Variants in BCAR1 observed in about 807,000 individuals in gnomAD.
BCAR1 encodes the protein BCAR1 scaffold protein, Cas family member.
BCAR1 carries 30 observed loss-of-function variants against 67.6 expected under a neutral mutation model. The ratio of observed to expected loss-of-function variants is 0.44; its 90% CI spans 0.33 to 0.60. BCAR1 has a LOEUF of 0.60. BCAR1 is among the 20% of genes least tolerant of loss of function. The pLI is 0.02. For missense variants in BCAR1, 1,313 were observed against 1,222.3 expected, an observed-to-expected ratio of 1.07 and a Z score of -1.11; for synonymous variants, 626 against 556.7, an observed-to-expected ratio of 1.12 and a Z score of -1.75.
intron 1 of BCAR1, chr16:75,264,541 C>G: frequency 7.2e-7 from 1 of 1,389,328 alleles, no homozygotes; most frequent in Non-Finnish European, 9.3e-7. Context: ...CGATTATGCT[C>G]TGAACCAGAA....
chr16:75,259,850 T>TAAAAAAA (rs144448216), intron 1 of BCAR1, among the ~76,000 whole-genome samples: 1 of 73,462 alleles, frequency 1.4e-5, no homozygotes, highest in African/African-American at 5.4e-5. Context: ...AGACTCCATC[T>TAAAAAAA]AAAAAAAAAA....
chr16:75,265,374 G>A (rs1283680105), intron 1 of BCAR1, among the ~76,000 whole-genome samples: 1 of 152,094 alleles, frequency 6.6e-6, no homozygotes, highest in Non-Finnish European at 1.5e-5. Context: ...AGGTCTTGCG[G>A]GACAGCACAG....
intron 2 of BCAR1, among the ~76,000 whole-genome samples, chr16:75,237,730 C>A (rs2077191198): frequency 6.6e-6 from 1 of 152,198 alleles, no homozygotes; most frequent in Non-Finnish European, 1.5e-5. Flanking sequence ...GTTACTGGGG[C>A]GCCTAGCCCC....
At chr16:75,233,207 T>C (rs2076962202) in intron 6 of BCAR1, among the ~76,000 whole-genome samples, 1 of 152,078 alleles carries the variant, frequency 6.6e-6, no homozygotes, top group Non-Finnish European at 1.5e-5. Flanking sequence ...CCTTTGTCTC[T>C]ATAAAAAATA....
intron 1 of BCAR1, among the ~76,000 whole-genome samples, chr16:75,261,089 T>A (rs911899478): frequency 6.6e-5 from 10 of 152,206 alleles, no homozygotes; most frequent in African/African-American, 2.2e-4. Flanking sequence ...TGTGACCATC[T>A]CACCAGAGCA....
At chr16:75,248,177 T>A in intron 1 of BCAR1, 1 of 1,577,330 alleles carries the variant, frequency 6.3e-7, no homozygotes, top group Non-Finnish European at 8.6e-7. Flanking sequence ...GGCTCCACTT[T>A]ATCTCCACCG....
At chr16:75,266,475 C>G (rs2151488266) in intron 1 of BCAR1, 1 of 343,014 alleles carries the variant, frequency 2.9e-6, no homozygotes, top group East Asian at 4.4e-5. Flanking sequence ...CACTCCTGGG[C>G]CCACCCTCAG....
upstream of BCAR1, chr16:75,252,149 C>T (rs2077695777): frequency 2.0e-6 from 3 of 1,494,298 alleles, no homozygotes; most frequent in African/African-American, 4.2e-5. Context: ...TAGACGGTCC[C>T]ACCGTGTAAG....
Position 75,229,767 on chromosome 16 carries a change from A to T in BCAR1, c.2357T>A (p.Ile786Asn). 2 of 1,613,454 alleles carry T rather than the reference A, an allele frequency of 1.2e-6. No individual in the cohort carries two copies. The highest frequency in any genetic ancestry group is 1.7e-6 in the Non-Finnish European group (2 of 1,180,000). Residue 786 changes from isoleucine to asparagine, a missense_variant, in exon 7 of 7, where the codon ATC (isoleucine) becomes AAC (asparagine). Ile to Asn is a moderately radical substitution (Grantham distance 149). This residue lies in a region of BCAR1 where 1,272 missense variants were observed against 1,137.5 expected (regional missense o/e 1.12). Transcript: ENST00000162330. Reference sequence around the variant, plus strand: ...GAACACCAGCTTGTGGGCGCTGAGGATGACGAACTTGCTGTGCGCCACAAA... The same window carrying T: ...GAACACCAGCTTGTGGGCGCTGAGGTTGACGAACTTGCTGTGCGCCACAAA... ...KIFVAHSKFV[I>N]LSAHKLVFIG...
rs1207038329 is a variant in BCAR1 at position 75,243,021 on chromosome 16, C to T, written c.82G>A (p.Asp28Asn). 6.2e-7 allele frequency: 1 copy of T among 1,611,990 alleles called. No individual in the cohort carries two copies. The change falls in exon 2 of 7, where the codon GAC (aspartate) becomes AAC (asparagine). Residue 28 changes from aspartate to asparagine, a missense_variant. This residue lies in a region of BCAR1 where 41 missense variants were observed against 84.8 expected (regional missense o/e 0.48). Transcript: ENST00000162330. ...SPDELSFRKG[D>N]IMTVLEQDTQ... Reference sequence around the variant, plus strand: ...TCCTGCTCCAGCACCGTCATGATGTCACCCTTGCGGAAGGAGAGCTCATCC... The same window carrying T: ...TCCTGCTCCAGCACCGTCATGATGTTACCCTTGCGGAAGGAGAGCTCATCC...
chr16:75,234,687 T>C (rs904016869), intron 5 of BCAR1, among the ~76,000 whole-genome samples: 2 of 152,156 alleles, frequency 1.3e-5, no homozygotes, highest in African/African-American at 2.4e-5. Context: ...TCACCAGAGA[T>C]ACCAGCCCGA....
At chr16:75,258,239 G>A (rs1282165571) in intron 1 of BCAR1, among the ~76,000 whole-genome samples, 1 of 152,208 alleles carries the variant, frequency 6.6e-6, no homozygotes, top group Non-Finnish European at 1.5e-5. Context: ...CCGCTCCTCA[G>A]ATGCCCTCAG....
chr16:75,236,836 C>T, intron 4 of BCAR1, 46 bp downstream of exon 4: 1 of 1,597,390 alleles, frequency 6.3e-7, no homozygotes, highest in South Asian at 1.1e-5. Flanking sequence ...ACCCAGACAC[C>T]CCACAGCCTC....
intron 1 of BCAR1, among the ~76,000 whole-genome samples, chr16:75,251,248 G>C (rs1051589665): frequency 1.3e-5 from 2 of 151,628 alleles, no homozygotes; most frequent in Non-Finnish European, 2.9e-5. Context: ...CGGCCCCCGC[G>C]CCCGGCCCCG....
At chr16:75,244,652 C>G (rs1050429417) in intron 1 of BCAR1, among the ~76,000 whole-genome samples, 1 of 152,202 alleles carries the variant, frequency 6.6e-6, no homozygotes, top group Admixed American at 6.5e-5. Flanking sequence ...AGCTAGGAGC[C>G]TCCAGTCCCT....
chr16:75,244,062 C>A (rs576456809), intron 1 of BCAR1, among the ~76,000 whole-genome samples: 13 of 152,198 alleles, frequency 8.5e-5, no homozygotes, highest in Admixed American at 2.6e-4. Context: ...CCACAGGGGC[C>A]CCAGACTTCA....
rs905553256 is a variant in BCAR1 at position 75,261,598 on chromosome 16, G to A, written c.66+6317C>T. Among the ~76,000 whole-genome samples the A allele has an allele frequency of 2.6e-5, 4 of 152,254 alleles. No homozygotes were observed. In the South Asian group the frequency reaches 8.3e-4, roughly 31 times the overall value. On this transcript the variant is annotated intron_variant, in intron 1 of 6. Transcript: ENST00000393422. ...AGCAGGGCAGCAGCTGCATAGATGCGATGGGGCCAGCTGGTTGCCCCAATG... is the reference window on the plus strand; with the variant it reads ...AGCAGGGCAGCAGCTGCATAGATGCAATGGGGCCAGCTGGTTGCCCCAATG...
chr16:75,250,567 G>T, intron 1 of BCAR1: 1 of 894,168 alleles, frequency 1.1e-6, no homozygotes, highest in Non-Finnish European at 1.3e-6. Flanking sequence ...TAGAAAAGGA[G>T]CTGCTGTCCC....
chr16:75,234,878 G>A lies in BCAR1; in HGVS notation c.2010+11C>T, dbSNP rs2077043844. The stretch of plus-strand genomic sequence containing the variant: ...CAGAAGAGGAGCCGGGGCTGGGCAG[G>A]CGGCACCCACCTGTAGGTGGACGTA... On this transcript the variant is annotated intron_variant, in intron 5 of 6. Coordinates refer to ENST00000162330, the MANE Select transcript of BCAR1 (RefSeq NM_014567.5). The A allele has an allele frequency of 6.6e-7, 1 of 1,522,960 alleles. No individual in the cohort carries two copies. The highest frequency in any genetic ancestry group is 2.3e-5 in the East Asian group (1 of 43,972). The allele number at this position is 1,522,960 out of a possible 1,614,324, so 94.3% of individuals were successfully genotyped here. A position where few individuals can be genotyped will look rare whatever the true frequency, so the allele number is the denominator to read the frequency against.
Sources: gnomAD v4.1 joint callset for allele counts (sites outside exome capture counted in the v4.1 genomes callset) on GRCh38, gnomAD v4.1.1 for gene constraint, gnomAD v4.1.1 regional missense constraint, MANE v1.5 for transcripts, NCBI Gene and HGNC (gene_info 2026-07-23, HGNC 2026-07-21) for gene names.